CHD6: variants seen among roughly 807,000 people sequenced by gnomAD.
The protein encoded by CHD6 is chromodomain helicase DNA binding protein 6.
In CHD6, 50 loss-of-function variants were observed where a neutral mutation model predicts 276.9. The ratio of observed to expected loss-of-function variants is 0.18; its 90% CI spans 0.14 to 0.23. The LOEUF is 0.23. CHD6 is among the 10% of genes least tolerant of loss of function. The pLI, the probability that CHD6 is intolerant of heterozygous loss-of-function variation, is 1.00. For missense variants in CHD6, 2,564 were observed against 3,365.8 expected (o/e 0.76, Z 5.89); for synonymous variants, 1,173 against 1,229.3 (o/e 0.95, Z 0.96).
At position 41,555,530 on chromosome 20, in the gene CHD6, T is replaced by TCA. The variant is rs554303691; in HGVS notation, c.-23-4172_-23-4171dup. ...CTTCTCAGATGGGGCTCCTCACTTC[T>TCA]CAGATGGGGCGGTTGCCAGGCGGAG... On this transcript the variant is annotated intron_variant, in intron 1 of 36. Transcript: ENST00000373233. 6.6e-3 allele frequency among the ~76,000 whole-genome samples: 947 copies of TCA among 144,498 alleles called. 9 individuals carry two copies. Among genetic ancestry groups the TCA allele is most frequent in the Middle Eastern group, 0.023 (6 of 258 alleles). 94.8% of individuals were successfully genotyped at this position (144,498 alleles called of 152,430 possible). A position where few individuals can be genotyped will look rare whatever the true frequency, so the allele number is the denominator to read the frequency against.
chr20:41,611,955 A>C (rs2045891655), intron 1 of CHD6, among the ~76,000 whole-genome samples: 1 of 152,154 alleles, frequency 6.6e-6, no homozygotes, highest in East Asian at 1.9e-4. Context: ...CATTTCTAAC[A>C]TGCTCCAAAG....
intron 1 of CHD6, among the ~76,000 whole-genome samples, chr20:41,596,385 T>C (rs528839550): frequency 4.6e-5 from 7 of 152,178 alleles, no homozygotes; most frequent in Admixed American, 3.9e-4. Flanking sequence ...CGGATCAAAT[T>C]GACCAATTTT....
intron 31 of CHD6, among the ~76,000 whole-genome samples, chr20:41,417,978 G>C (rs375625723): frequency 6.6e-6 from 1 of 152,220 alleles, no homozygotes; most frequent in South Asian, 2.1e-4. Flanking sequence ...TCCACTTACA[G>C]GAAATGAACA....
At chr20:41,433,448 G>A (rs889564708) in intron 27 of CHD6, among the ~76,000 whole-genome samples, 62 of 152,104 alleles carry the variant, frequency 4.1e-4, no homozygotes, top group African/African-American at 1.4e-3. Flanking sequence ...AGAAGCAAGC[G>A]GCAGTACCTT....
chr20:41,421,734 T>C lies in CHD6; in HGVS notation c.4901A>G (p.Gln1634Arg). Residue 1634 changes from glutamine (Q) to arginine (R), a missense_variant, in exon 31 of 37, where the codon CAG (glutamine) becomes CGG (arginine). Physicochemically the swap from Gln to Arg is conservative, Grantham distance 43. This residue lies in a region of CHD6 where 1,024 missense variants were observed against 1,047.9 expected (regional missense o/e 0.98). Transcript: ENST00000373233. Reference protein sequence around the residue: ...QAPGNLCCLYQTNSKLYESLT... With the variant: ...QAPGNLCCLYRTNSKLYESLT... ...AGATTCATATAACTTGGAGTTGGTC[T>C]GGTAAAGGCAACAGAGATTTCCTGG... The C allele has an allele frequency of 6.2e-7, 1 of 1,614,244 alleles. No individual in the cohort carries two copies. Among genetic ancestry groups the C allele is most frequent in the Non-Finnish European group, 8.5e-7 (1 of 1,180,042 alleles).
chr20:41,524,543 A>C (rs6513731), intron 3 of CHD6, among the ~76,000 whole-genome samples: 53,811 of 151,974 alleles, frequency 0.35, 12,340 homozygotes, highest in African/African-American at 0.63. Flanking sequence ...AAAAATTCAG[A>C]AAGTATAGAA....
At chr20:41,505,664 A>C (rs371767391) in intron 5 of CHD6, among the ~76,000 whole-genome samples, 1 of 151,622 alleles carries the variant, frequency 6.6e-6, no homozygotes, top group Non-Finnish European at 1.5e-5. Context: ...TCCAATATTA[A>C]CTCTTATTAC....
chr20:41,528,699 T>C (rs1188534906), intron 3 of CHD6, among the ~76,000 whole-genome samples: 1 of 152,186 alleles, frequency 6.6e-6, no homozygotes, highest in Non-Finnish European at 1.5e-5. Flanking sequence ...GAATAAATAC[T>C]AGTTTCAATT....
intron 1 of CHD6, among the ~76,000 whole-genome samples, chr20:41,563,279 G>C (rs2045321606): frequency 6.6e-6 from 1 of 152,162 alleles, no homozygotes. Context: ...CTGTGGGCCA[G>C]CTGCTGAATA....
At chr20:41,618,190 G>C (rs996629566) in intron 1 of CHD6, 150 bp downstream of exon 1, 4 of 151,922 alleles carry the variant, frequency 2.6e-5, no homozygotes, top group African/African-American at 7.2e-5. Flanking sequence ...ACCCCAGCCC[G>C]GCCGGGCCTG....
chr20:41,494,576 C>T (rs1481034364), intron 8 of CHD6, among the ~76,000 whole-genome samples: 1 of 152,104 alleles, frequency 6.6e-6, no homozygotes, highest in Non-Finnish European at 1.5e-5. Context: ...ACTATAATTA[C>T]CTTACAGATT....
At chr20:41,407,179 G>A (rs1217596150) in intron 36 of CHD6, among the ~76,000 whole-genome samples, 2 of 152,152 alleles carry the variant, frequency 1.3e-5, no homozygotes, top group Admixed American at 6.5e-5. Flanking sequence ...CTGCACCTGC[G>A]GCCTTTTCAG....
At chr20:41,551,581 ATT>A (rs1462057325) in intron 1 of CHD6, among the ~76,000 whole-genome samples, 1 of 152,178 alleles carries the variant, frequency 6.6e-6, no homozygotes, top group Non-Finnish European at 1.5e-5. Flanking sequence ...TCAAAAAGAT[ATT>A]GTCTTTGTAG....
At chr20:41,552,086 G>T (rs2045155974) in intron 1 of CHD6, among the ~76,000 whole-genome samples, 1 of 152,168 alleles carries the variant, frequency 6.6e-6, no homozygotes, top group Non-Finnish European at 1.5e-5. Context: ...TCAGGGAAAA[G>T]AACAAACCCT....
intron 25 of CHD6, among the ~76,000 whole-genome samples, chr20:41,441,014 T>C (rs2047885845): frequency 6.6e-6 from 1 of 152,228 alleles, no homozygotes; most frequent in Non-Finnish European, 1.5e-5. Flanking sequence ...CCTGGTTCTT[T>C]TCCCTGAGGA....
At chr20:41,509,984 A>C (rs1222010126) in intron 5 of CHD6, among the ~76,000 whole-genome samples, 1 of 152,178 alleles carries the variant, frequency 6.6e-6, no homozygotes, top group African/African-American at 2.4e-5. Context: ...GGGCTGGGAC[A>C]AGGGCCAGCA....
At position 41,549,032 on chromosome 20, in the gene CHD6, T is replaced by A. The variant is rs1250326363; in HGVS notation, c.33+2273A>T. On this transcript the variant is annotated intron_variant, in intron 2 of 36. Transcript: ENST00000373233. The stretch of plus-strand genomic sequence containing the variant: ...GGATGTGGAGAAACAGGAACACTTT[T>A]ACACCATTGGTGGGACTGTAAACTA... Among the ~76,000 whole-genome samples the A allele has an allele frequency of 2.0e-5, 3 of 152,190 alleles. No individual in the cohort carries two copies. The South Asian group carries it at 6.2e-4, about 32-fold the overall frequency.
intron 1 of CHD6, among the ~76,000 whole-genome samples, chr20:41,595,102 T>C (rs1031769202): frequency 3.9e-5 from 6 of 152,286 alleles, no homozygotes; most frequent in South Asian, 4.1e-4. Flanking sequence ...CACTGCCTTG[T>C]TGCAGTGGCC....
chr20:41,518,302 G>A (rs111263141), intron 3 of CHD6, among the ~76,000 whole-genome samples: 1,602 of 152,218 alleles, frequency 0.011, 26 homozygotes, highest in African/African-American at 0.036. Context: ...GCGTGCGCGC[G>A]TGCCCACATG....
Sources: gnomAD v4.1 joint callset for allele counts (sites outside exome capture counted in the v4.1 genomes callset) on GRCh38, gnomAD v4.1.1 for gene constraint, gnomAD v4.1.1 regional missense constraint, MANE v1.5 for transcripts, NCBI Gene and HGNC (gene_info 2026-07-23, HGNC 2026-07-21) for gene names.